DNAH3: variants seen among roughly 807,000 people sequenced by gnomAD.
The protein encoded by DNAH3 is dynein axonemal heavy chain 3, also known as axonemal beta dynein heavy chain 3.
A neutral mutation model predicts 432.5 loss-of-function variants in DNAH3; 332 were observed. That is an observed-to-expected ratio of 0.77 (90% CI 0.70 to 0.84). The LOEUF (loss-of-function observed/expected upper bound fraction) is 0.84. DNAH3 is among the 40% of genes least tolerant of loss of function. The pLI is 0.00. For synonymous variants in DNAH3, 1,956 were observed against 1,900.2 expected, an observed-to-expected ratio of 1.03 and a Z score of -0.76; for missense variants, 4,861 against 5,114.0, an observed-to-expected ratio of 0.95 and a Z score of 1.51.
intron 1 of DNAH3, among the ~76,000 whole-genome samples, chr16:21,153,046 A>C (rs1201325004): frequency 6.6e-6 from 1 of 152,206 alleles, no homozygotes; most frequent in Admixed American, 6.5e-5. Flanking sequence ...CACTGGGTGA[A>C]GCCAGCTGGG....
rs751692472 is a variant in DNAH3 at position 20,979,369 on chromosome 16, G to C, written c.8037C>G (p.Tyr2679Ter). Residue 2679 changes from tyrosine to a stop codon, truncating the protein, a stop_gained, in exon 50 of 62, where the codon TAC (tyrosine) becomes TAG (stop). Transcript: ENST00000261383. LOFTEE classifies it high-confidence loss of function. ...AGTCGAGTTTCTGCAAGCCTGTCAG[G>C]TAGCGGTTCCTCATCATAGCCACCT... is the stretch of plus-strand genomic sequence containing the variant. 5.0e-6 allele frequency: 8 copies of C among 1,614,162 alleles called. No individual in the cohort carries two copies. The highest frequency in any genetic ancestry group is 6.8e-6 in the Non-Finnish European group (8 of 1,180,028).
exon 25 of DNAH3, chr16:21,062,587 T>A (rs767005758): frequency 6.2e-6 from 10 of 1,614,156 alleles, no homozygotes; most frequent in Non-Finnish European, 8.5e-6. Context: ...GCTTGGCAAT[T>A]CCTTCAAAGC....
At chr16:21,011,536 T>C (rs1267111986) in intron 41 of DNAH3, among the ~76,000 whole-genome samples, 1 of 151,998 alleles carries the variant, frequency 6.6e-6, no homozygotes, top group Non-Finnish European at 1.5e-5. Context: ...TTTCTTTGTA[T>C]TTTTTGTAGA....
At chr16:20,985,156 T>A in exon 48 of DNAH3, 1 of 1,614,220 alleles carries the variant, frequency 6.2e-7, no homozygotes, top group Non-Finnish European at 8.5e-7. Flanking sequence ...AGTCTGCATC[T>A]TCTCCACGAT....
At chr16:20,933,327 G>A (rs1467928305) in exon 62 of DNAH3, 2 of 1,614,174 alleles carry the variant, frequency 1.2e-6, no homozygotes, top group Non-Finnish European at 8.5e-7. Context: ...TCCTGATGCA[G>A]AAACATTGCG....
intron 1 of DNAH3, among the ~76,000 whole-genome samples, chr16:21,154,884 T>G (rs897690253): frequency 7.2e-5 from 11 of 152,138 alleles, no homozygotes; most frequent in South Asian, 2.1e-4. Flanking sequence ...GTCTGACAAC[T>G]TTGTGTTGGA....
At chr16:20,969,106 G>A (rs1163231864) in intron 52 of DNAH3, among the ~76,000 whole-genome samples, 2 of 150,828 alleles carry the variant, frequency 1.3e-5, no homozygotes, top group African/African-American at 4.9e-5. Context: ...GTGTGTGTGT[G>A]TGTGTGTGTG....
intron 48 of DNAH3, 26 bp downstream of exon 48, chr16:20,985,023 G>A (rs754674582): frequency 2.4e-5 from 37 of 1,554,390 alleles, no homozygotes; most frequent in Non-Finnish European, 3.0e-5. Context: ...GAAGAACAAG[G>A]GCAAATGGAG....
chr16:21,142,001 C>T (rs1312998352), intron 3 of DNAH3, among the ~76,000 whole-genome samples: 3 of 151,640 alleles, frequency 2.0e-5, no homozygotes, highest in Admixed American at 6.6e-5. Flanking sequence ...TGCAGTGAGC[C>T]GAGATCGTGC....
chr16:21,057,642 T>A (rs545606742), intron 27 of DNAH3, among the ~76,000 whole-genome samples: 1 of 152,252 alleles, frequency 6.6e-6, no homozygotes, highest in South Asian at 2.1e-4. Flanking sequence ...AACAGATGCT[T>A]GAGTATACTT....
exon 52 of DNAH3, chr16:20,969,949 G>A (rs778809328): frequency 1.7e-5 from 28 of 1,613,954 alleles, no homozygotes; most frequent in South Asian, 7.7e-5. Flanking sequence ...GTGCAGCCTC[G>A]AGTGCAGGCA....
chr16:21,112,859 C>T (rs551390285), intron 12 of DNAH3, among the ~76,000 whole-genome samples: 30 of 152,160 alleles, frequency 2.0e-4, no homozygotes, highest in Non-Finnish European at 3.1e-4. Context: ...TTGACTGTCC[C>T]ACTGGATTTT....
intron 21 of DNAH3, among the ~76,000 whole-genome samples, chr16:21,071,206 CT>C (rs2090768982): frequency 6.6e-6 from 1 of 152,124 alleles, no homozygotes; most frequent in South Asian, 2.1e-4. Flanking sequence ...CCACGCCCTG[CT>C]AATTCTGTAT....
At chr16:21,021,937 C>G (rs775169557) in intron 40 of DNAH3, 34 bp downstream of exon 40, 67 of 1,611,086 alleles carry the variant, frequency 4.2e-5, no homozygotes, top group Admixed American at 3.9e-4. Context: ...AGACCCACCC[C>G]CCATGTGGCT....
chr16:21,118,203 GT>G (rs2152809424), intron 11 of DNAH3, among the ~76,000 whole-genome samples: 1 of 152,032 alleles, frequency 6.6e-6, no homozygotes, highest in Non-Finnish European at 1.5e-5. Flanking sequence ...GGCCAGGCTT[GT>G]CTCAAACCTC....
At chr16:21,053,837 C>CTCCTCCTCCTCT (rs770512313) in intron 28 of DNAH3, among the ~76,000 whole-genome samples, 1 of 151,822 alleles carries the variant, frequency 6.6e-6, no homozygotes, top group African/African-American at 2.4e-5. Context: ...CCTCCTCCTC[C>CTCCTCCTCCTCT]TCCTCCTCCT....
At chr16:21,094,937 C>T (rs1189343806) in intron 18 of DNAH3, among the ~76,000 whole-genome samples, 1 of 152,152 alleles carries the variant, frequency 6.6e-6, no homozygotes, top group Admixed American at 6.5e-5. Flanking sequence ...TGCCTTTGCT[C>T]CTCCTTCACC....
In DNAH3 at chr16:21,117,173, C is replaced by T. The variant is rs937629365; in HGVS notation, c.1814+30G>A. 2.7e-6 allele frequency: 4 copies of T among 1,482,902 alleles called. No individual in the cohort carries two copies. In the Admixed American group the frequency reaches 5.8e-5, roughly 21 times the overall value. The allele number at this position is 1,482,902 out of a possible 1,614,324, so 91.9% of individuals were successfully genotyped here. Reference sequence around the variant, plus strand: ...ACACCAAATCAATCCCAAAAAGCTACATAGCTAATAAATTTATAACTCAAC... The same window carrying T: ...ACACCAAATCAATCCCAAAAAGCTATATAGCTAATAAATTTATAACTCAAC... On this transcript the variant is annotated intron_variant, in intron 12 of 61. Coordinates refer to ENST00000261383, the Ensembl canonical transcript of DNAH3.
exon 24 of DNAH3, chr16:21,067,380 G>A (rs371774380): frequency 1.7e-5 from 27 of 1,613,936 alleles, no homozygotes; most frequent in Middle Eastern, 1.7e-4. Context: ...TCTGCCATCC[G>A]TGGCTGGTCG....
Sources: allele counts gnomAD v4.1 joint callset (sites outside exome capture counted in the v4.1 genomes callset), GRCh38; gene constraint gnomAD v4.1.1; transcripts MANE v1.5; gene names NCBI Gene and HGNC (gene_info 2026-07-23, HGNC 2026-07-21).